Variants in LIMD1 observed in about 807,000 individuals in gnomAD.
The protein encoded by LIMD1 is LIM domain-containing protein 1.
LIMD1 carries 23 observed loss-of-function variants against 58.4 expected under a neutral mutation model. The observed-to-expected ratio is 0.39, with a 90% CI of 0.28 to 0.56. The LOEUF (loss-of-function observed/expected upper bound fraction) is 0.56. Among genes scored for constraint, LIMD1 ranks in the 20% least tolerant of loss-of-function variants. The pLI is 0.57. For missense variants in LIMD1, 838 were observed against 855.5 expected, an observed-to-expected ratio of 0.98 and a Z score of 0.25; for synonymous variants, 334 against 345.5, an observed-to-expected ratio of 0.97 and a Z score of 0.37.
intron 1 of LIMD1, among the ~76,000 whole-genome samples, chr3:45,631,277 C>T (rs576850209): frequency 6.6e-6 from 1 of 151,648 alleles, no homozygotes; most frequent in Admixed American, 6.6e-5. Flanking sequence ...GCACTCCAGC[C>T]TGGCGACAGA....
At chr3:45,658,966 T>C (rs1697389377) in intron 2 of LIMD1, among the ~76,000 whole-genome samples, 1 of 152,204 alleles carries the variant, frequency 6.6e-6, no homozygotes, top group Non-Finnish European at 1.5e-5. Context: ...ATGCACAATT[T>C]TTAAATCTTG....
At chr3:45,603,165 T>C (rs536687696) in intron 1 of LIMD1, among the ~76,000 whole-genome samples, 28 of 152,326 alleles carry the variant, frequency 1.8e-4, no homozygotes, top group African/African-American at 6.7e-4. Context: ...AATTACTGTT[T>C]ATCAGACTTT....
intron 1 of LIMD1, among the ~76,000 whole-genome samples, chr3:45,625,118 G>T (rs1462160930): frequency 4.6e-5 from 7 of 151,876 alleles, no homozygotes; most frequent in Non-Finnish European, 8.8e-5. Context: ...CAGGGGGCCA[G>T]GACAGCCTAG....
chr3:45,635,793 C>G, intron 1 of LIMD1: 3 of 416,708 alleles, frequency 7.2e-6, no homozygotes, highest in Non-Finnish European at 9.5e-6. Flanking sequence ...AACCTGCATG[C>G]TTGGCATATT....
intron 1 of LIMD1, among the ~76,000 whole-genome samples, chr3:45,599,881 C>G (rs966330371): frequency 6.6e-6 from 1 of 152,170 alleles, no homozygotes; most frequent in Non-Finnish European, 1.5e-5. Context: ...GGCAGAGCTT[C>G]CATCTGCTCT....
chr3:45,617,367 T>A (rs1559515929), intron 1 of LIMD1, among the ~76,000 whole-genome samples: 1 of 152,052 alleles, frequency 6.6e-6, no homozygotes, highest in Admixed American at 6.6e-5. Context: ...TAAAAAGCAA[T>A]GTTTTTGTCT....
At chr3:45,615,308 GTGTT>G (rs1221839639) in intron 1 of LIMD1, among the ~76,000 whole-genome samples, 1 of 152,212 alleles carries the variant, frequency 6.6e-6, no homozygotes, top group African/African-American at 2.4e-5. Flanking sequence ...CCATTGAAGA[GTGTT>G]TGTTTTCTCA....
chr3:45,642,821 GGT>G (rs1701858812), intron 2 of LIMD1, among the ~76,000 whole-genome samples: 1 of 152,146 alleles, frequency 6.6e-6, no homozygotes, highest in African/African-American at 2.4e-5. Context: ...ATCAGGTTGT[GGT>G]GTGGGCGTTT....
intron 1 of LIMD1, among the ~76,000 whole-genome samples, chr3:45,619,395 T>C (rs1388067159): frequency 6.6e-6 from 1 of 152,250 alleles, no homozygotes; most frequent in Non-Finnish European, 1.5e-5. Context: ...CAAATAATTT[T>C]CAGTATAAAT....
intron 1 of LIMD1, among the ~76,000 whole-genome samples, chr3:45,602,152 G>A (rs1701420512): frequency 6.6e-6 from 1 of 152,106 alleles, no homozygotes; most frequent in African/African-American, 2.4e-5. Context: ...GTTTCACTGT[G>A]TTAGCCAGGA....
intron 1 of LIMD1, among the ~76,000 whole-genome samples, chr3:45,628,013 A>AAAAAAC (rs940686035): frequency 5.8e-4 from 86 of 147,636 alleles, no homozygotes; most frequent in Non-Finnish European, 1.1e-3. Flanking sequence ...ATCTCAAAAA[A>AAAAAAC]AAAAAAGAAA....
At chr3:45,626,339 C>T (rs1701667916) in intron 1 of LIMD1, among the ~76,000 whole-genome samples, 1 of 152,112 alleles carries the variant, frequency 6.6e-6, no homozygotes, top group African/African-American at 2.4e-5. Context: ...GCAAGATGTC[C>T]TTCAGTAGAT....
intron 2 of LIMD1, among the ~76,000 whole-genome samples, chr3:45,647,897 C>T (rs1278546113): frequency 6.6e-6 from 1 of 151,432 alleles, no homozygotes; most frequent in Non-Finnish European, 1.5e-5. Flanking sequence ...TTTTCTACCC[C>T]TGTACCTTGT....
intron 2 of LIMD1, among the ~76,000 whole-genome samples, chr3:45,650,967 G>A (rs575288909): frequency 2.0e-5 from 3 of 148,298 alleles, no homozygotes; most frequent in Non-Finnish European, 3.0e-5. Context: ...GTGTAAAAGC[G>A]TTCCTGTTTC....
chr3:45,607,041 G>A (rs1401476660), intron 1 of LIMD1, among the ~76,000 whole-genome samples: 3 of 152,114 alleles, frequency 2.0e-5, no homozygotes, highest in South Asian at 2.1e-4. Flanking sequence ...TGATCCACCC[G>A]CCTTGGCCTC....
Position 45,674,400 on chromosome 3 carries a change from T to TA in LIMD1, c.1883dup (p.Tyr628Ter). 1.2e-6 allele frequency: 2 copies of TA among 1,613,616 alleles called. No homozygotes were observed. Among genetic ancestry groups the TA allele is most frequent in the Non-Finnish European group, 1.7e-6 (2 of 1,179,616 alleles). Residue 628 changes from tyrosine to a stop codon, truncating the protein, a stop_gained and frameshift_variant, in exon 7 of 8, where the codon TAC becomes TAAC. Coordinates refer to ENST00000273317, the MANE Select transcript of LIMD1 (RefSeq NM_014240.3). LOFTEE classifies it high-confidence loss of function. ...SMDRDYHVEC[Y>*]HCEDCGLELN... ...GGACAGAGACTACCACGTGGAGTGT[T>TA]ACCACTGCGAGGTAGACCCCTCCCC...
intron 2 of LIMD1, among the ~76,000 whole-genome samples, chr3:45,640,446 T>G (rs1701830542): frequency 6.6e-6 from 1 of 152,096 alleles, no homozygotes; most frequent in Admixed American, 6.6e-5. Flanking sequence ...GTTTTGTTTT[T>G]AAGACGGATC....
chr3:45,636,910 G>A (rs939212691), intron 2 of LIMD1, among the ~76,000 whole-genome samples: 12 of 152,230 alleles, frequency 7.9e-5, no homozygotes, highest in African/African-American at 2.9e-4. Flanking sequence ...TGCTTGCCAA[G>A]TCTGACCAAG....
intron 1 of LIMD1, among the ~76,000 whole-genome samples, chr3:45,611,767 C>G (rs578082107): frequency 3.3e-5 from 5 of 152,272 alleles, no homozygotes; most frequent in African/African-American, 1.2e-4. Context: ...TTGCAGGTGG[C>G]AGGGACTTAC....
Sources: gnomAD v4.1 joint callset for allele counts (sites outside exome capture counted in the v4.1 genomes callset) on GRCh38, gnomAD v4.1.1 for gene constraint, MANE v1.5 for transcripts, NCBI Gene and HGNC (gene_info 2026-07-23, HGNC 2026-07-21) for gene names.